Variants in CPSF2 observed in about 807,000 individuals in gnomAD.
CPSF2 encodes cleavage and polyadenylation specificity factor subunit 2.
A neutral mutation model predicts 84.2 loss-of-function variants in CPSF2; 51 were observed. That is an observed-to-expected ratio of 0.61 (90% CI 0.48 to 0.77). The LOEUF (loss-of-function observed/expected upper bound fraction) is 0.77, where lower values mean the gene tolerates loss of function less well. CPSF2 is among the 30% of genes least tolerant of loss of function. The pLI is 0.00. For synonymous variants in CPSF2, 286 were observed against 311.9 expected (o/e 0.92, Z 0.87); for missense variants, 641 against 929.4 (o/e 0.69, Z 4.03).
In CPSF2 at chr14:92,134,287, T is replaced by A; in HGVS notation, c.347T>A (p.Leu116Ter). The A allele has an allele frequency of 6.2e-7, 1 of 1,613,792 alleles. No homozygotes were observed. The highest frequency in any genetic ancestry group is 8.5e-7 in the Non-Finnish European group (1 of 1,179,808). Residue 116 changes from leucine to a stop codon, truncating the protein, a stop_gained, in exon 5 of 16, where the codon TTA becomes TAA. Coordinates refer to ENST00000298875, the MANE Select transcript of CPSF2 (RefSeq NM_017437.3). LOFTEE classifies it high-confidence loss of function. Reference protein sequence around the residue: ...HNTEDFTLFTLDDVDAAFDKI... With the variant: ...HNTEDFTLFT ...ACAGAAGATTTTACACTCTTTACAT[T>A]AGATGATGTGGATGCAGCCTTTGAT...
Position 92,131,100 on chromosome 14 carries a change from A to G in CPSF2, c.116A>G (p.His39Arg), listed in dbSNP as rs750505948. ...RFLLDCGWDE[H>R]FSMDIIDSLR... ...TTATTGGACTGTGGCTGGGATGAGC[A>G]CTTTTCTATGGATATTATTGATTCC... Residue 39 changes from histidine to arginine, a missense_variant, in exon 3 of 16, where the codon CAC (histidine) becomes CGC (arginine). Physicochemically the swap from His to Arg is conservative, Grantham distance 29. Coordinates refer to ENST00000298875, the MANE Select transcript of CPSF2 (RefSeq NM_017437.3). 7.3e-5 allele frequency: 118 copies of G among 1,611,334 alleles called. No individual in the cohort carries two copies. Among genetic ancestry groups the G allele is most frequent in the Non-Finnish European group, 9.8e-5 (116 of 1,179,052 alleles).
At position 92,163,057 on chromosome 14, in the gene CPSF2, C is replaced by A. The variant is rs1419695370; in HGVS notation, c.*1313C>A. On this transcript the variant is annotated 3_prime_UTR_variant, in exon 16 of 16. Coordinates refer to ENST00000298875, the MANE Select transcript of CPSF2 (RefSeq NM_017437.3). ...TAGCTGGGACTACGGGCACATGCCA[C>A]TGCACCTGGCTAATTTTTATATTTT... 6.6e-6 allele frequency: 1 copy of A among 152,200 alleles called. No individual in the cohort carries two copies. The highest frequency in any genetic ancestry group is 1.9e-4 in the East Asian group (1 of 5,198). The allele number at this position is 152,200 out of a possible 1,614,324, so 9.4% of individuals were successfully genotyped here. A position where few individuals can be genotyped will look rare whatever the true frequency, so the allele number is the denominator to read the frequency against.
At chr14:92,131,173 ACTTCT>A in intron 3 of CPSF2, 40 bp downstream of exon 3, 6 of 1,518,490 alleles carry the variant, frequency 4.0e-6, no homozygotes, top group Non-Finnish European at 5.4e-6. Flanking sequence ...TATTAAATCA[ACTTCT>A]CTTTTCTGTA....
chr14:92,137,451 T>C (rs758587887), intron 6 of CPSF2, among the ~76,000 whole-genome samples: 1 of 152,180 alleles, frequency 6.6e-6, no homozygotes, highest in Non-Finnish European at 1.5e-5. Context: ...TCCAGTGATC[T>C]GCCCACCTCT....
At chr14:92,138,099 A>G (rs990669702) in intron 6 of CPSF2, 133 bp from the exon 7 acceptor site, 2 of 439,132 alleles carry the variant, frequency 4.6e-6, no homozygotes, top group Non-Finnish European at 8.2e-6. Context: ...TTTCTTATCA[A>G]TGAGCATGTC....
At position 92,143,295 on chromosome 14, in the gene CPSF2, G is replaced by T; in HGVS notation, c.1140+1G>T. Reference sequence around the variant, plus strand: ...TTCTGAAAAAATTACAGAAATAGAGGTAAGCACTTGTATGTGAACTTTATC... The same window carrying T: ...TTCTGAAAAAATTACAGAAATAGAGTTAAGCACTTGTATGTGAACTTTATC... On this transcript the variant is annotated splice_donor_variant, in intron 9 of 15. Coordinates refer to ENST00000298875, the MANE Select transcript of CPSF2 (RefSeq NM_017437.3). LOFTEE classifies it high-confidence loss of function. The T allele has an allele frequency of 6.3e-7, 1 of 1,577,448 alleles. No homozygotes were observed. The highest frequency in any genetic ancestry group is 8.7e-7 in the Non-Finnish European group (1 of 1,154,054).
intron 13 of CPSF2, 120 bp downstream of exon 13, chr14:92,158,004 A>C (rs1027361401): frequency 2.9e-6 from 2 of 690,842 alleles, no homozygotes; most frequent in Admixed American, 4.4e-5. Context: ...CTGCCCTAGC[A>C]GACCTCATAG....
chr14:92,161,809 G>GA lies in CPSF2; in HGVS notation c.*66dup. 3 of 906,712 alleles carry GA rather than the reference G, an allele frequency of 3.3e-6. No homozygotes were observed. Among genetic ancestry groups the GA allele is most frequent in the South Asian group, 3.4e-5 (2 of 58,710 alleles). 56.2% of individuals were successfully genotyped at this position (906,712 alleles called of 1,614,324 possible). ...GAAAAAGGGATTCTTATCTTACTCT[G>GA]AGCTTTTGATGTTTTGTTTTGTAAC... On this transcript the variant is annotated 3_prime_UTR_variant, in exon 16 of 16. Transcript: ENST00000298875.
rs1433718736 is a variant in CPSF2, at chr14:92,163,454, T to C, written c.*1710T>C. The C allele has an allele frequency of 6.6e-6, 1 of 152,642 alleles. No individual in the cohort carries two copies. Among genetic ancestry groups the C allele is most frequent in the Non-Finnish European group, 1.5e-5 (1 of 68,030 alleles). 9.5% of individuals were successfully genotyped at this position (152,642 alleles called of 1,614,324 possible). ...AAAATTTCACTTAAACTCTTATTAC[T>C]GTATAGATTAAGCCCTATAATGCTA... On this transcript the variant is annotated 3_prime_UTR_variant, in exon 16 of 16. Transcript: ENST00000298875.
intron 3 of CPSF2, among the ~76,000 whole-genome samples, chr14:92,131,503 T>G (rs1045730954): frequency 5.3e-5 from 8 of 152,162 alleles, no homozygotes; most frequent in Middle Eastern, 3.2e-3. Context: ...CATTGTCAGC[T>G]GGTTCTCAGA....
chr14:92,131,217 C>T (rs1027782369), intron 3 of CPSF2, 84 bp downstream of exon 3: 37 of 1,126,372 alleles, frequency 3.3e-5, no homozygotes, highest in Non-Finnish European at 4.2e-5. Flanking sequence ...GTGATAAATA[C>T]TGCCTTTTTA....
chr14:92,128,559 C>T (rs1472492314), intron 2 of CPSF2, among the ~76,000 whole-genome samples: 1 of 152,230 alleles, frequency 6.6e-6, no homozygotes, highest in African/African-American at 2.4e-5. Flanking sequence ...TGGAGTTAAT[C>T]AGGACTGGGG....
In CPSF2 at chr14:92,159,236, A is replaced by C; in HGVS notation, c.2075A>C (p.Glu692Ala). Residue 692 changes from glutamate (E) to alanine (A), a missense_variant, in exon 14 of 16, where the codon GAA (glutamate) becomes GCA (alanine). By Grantham distance (107) the Glu-to-Ala change is moderately radical. Around this residue, in one of 2 missense-constraint regions of CPSF2, gnomAD observed 430 missense variants for 553.6 expected, o/e 0.78. Transcript: ENST00000298875. ...LFGDDEKETG[E>A]ESEIIPTLEP... ...GGAGATGATGAAAAAGAAACAGGTG[A>C]AGAAAGTGAGATCATTCCTACTTTG... 1 of 1,612,512 alleles carries C rather than the reference A, an allele frequency of 6.2e-7. No homozygotes were observed. The highest frequency in any genetic ancestry group is 8.5e-7 in the Non-Finnish European group (1 of 1,179,130).
At chr14:92,122,680 A>G (rs1456369520) in intron 1 of CPSF2, among the ~76,000 whole-genome samples, 3 of 151,588 alleles carry the variant, frequency 2.0e-5, no homozygotes, top group Non-Finnish European at 4.4e-5. Context: ...ATCACTGCGA[A>G]GTTCTAATTC....
In CPSF2 at chr14:92,170,893, T is replaced by C. The variant is rs931668564; in HGVS notation, c.*9149T>C. ...TTCAAGATTTCTCCACTGTTAGTAT[T>C]TTCTCCACTTGTATTTGTTTTTTGG... On this transcript the variant is annotated 3_prime_UTR_variant, in exon 16 of 16. Coordinates refer to ENST00000298875, the MANE Select transcript of CPSF2 (RefSeq NM_017437.3). 6.6e-6 allele frequency: 1 copy of C among 152,222 alleles called. No individual in the cohort carries two copies. The highest frequency in any genetic ancestry group is 1.5e-5 in the Non-Finnish European group (1 of 68,038). The allele number at this position is 152,222 out of a possible 1,614,324, so 9.4% of individuals were successfully genotyped here. A position where few individuals can be genotyped will look rare whatever the true frequency, so the allele number is the denominator to read the frequency against.
chr14:92,167,489 G>A lies in CPSF2; in HGVS notation c.*5745G>A, dbSNP rs2069464109. 1 of 151,696 alleles carries A rather than the reference G, an allele frequency of 6.6e-6. No individual in the cohort carries two copies. The highest frequency in any genetic ancestry group is 1.5e-5 in the Non-Finnish European group (1 of 67,934). The allele number at this position is 151,696 out of a possible 1,614,324, so 9.4% of individuals were successfully genotyped here. A position where few individuals can be genotyped will look rare whatever the true frequency, so the allele number is the denominator to read the frequency against. On this transcript the variant is annotated 3_prime_UTR_variant, in exon 16 of 16. Coordinates refer to ENST00000298875, the MANE Select transcript of CPSF2 (RefSeq NM_017437.3). ...ATGAATGACCCTGTACAAGGAAAGG[G>A]ATTTGCTTGAGATCCACACAGCTGT...
At position 92,169,164 on chromosome 14, in the gene CPSF2, G is replaced by C. The variant is rs1354293511; in HGVS notation, c.*7420G>C. 1 of 152,094 alleles carries C rather than the reference G, an allele frequency of 6.6e-6. No individual in the cohort carries two copies. The highest frequency in any genetic ancestry group is 6.6e-5 in the Admixed American group (1 of 15,260). The allele number at this position is 152,094 out of a possible 1,614,324, so 9.4% of individuals were successfully genotyped here. On this transcript the variant is annotated 3_prime_UTR_variant, in exon 16 of 16. Transcript: ENST00000298875. ...CTCTGTGGGAAACTTTATTCCAAGGGTGCTGCCACTGCCCTTGTTTTAAAT... is the reference window on the plus strand; with the variant it reads ...CTCTGTGGGAAACTTTATTCCAAGGCTGCTGCCACTGCCCTTGTTTTAAAT...
At chr14:92,122,635 G>GCGCCCTCCTGCCAT (rs1555413121) in intron 1 of CPSF2, among the ~76,000 whole-genome samples, 1 of 151,708 alleles carries the variant, frequency 6.6e-6, no homozygotes, top group African/African-American at 2.4e-5. Context: ...TTGGGCCTTC[G>GCGCCCTCCTGCCAT]CGCCCTCCCG....
chr14:92,124,048 A>C lies in CPSF2; in HGVS notation c.-94+1920A>C, dbSNP rs139408864. Among the ~76,000 whole-genome samples, 230 of 152,306 alleles carry C rather than the reference A, an allele frequency of 1.5e-3. 2 individuals are homozygous for C. Among genetic ancestry groups the C allele is most frequent in the African/African-American group, 5.3e-3 (220 of 41,564 alleles). ...TTTGCTGAGCTCAAAAGGAGAAGGT[A>C]ATTTCGGGATTCAGTACAGGAATAC... is the stretch of plus-strand genomic sequence containing the variant. On this transcript the variant is annotated intron_variant, in intron 1 of 15. Transcript: ENST00000298875.
Sources: gnomAD v4.1 joint callset for allele counts (sites outside exome capture counted in the v4.1 genomes callset) on GRCh38, gnomAD v4.1.1 for gene constraint, gnomAD v4.1.1 regional missense constraint, MANE v1.5 for transcripts, NCBI Gene and HGNC (gene_info 2026-07-23, HGNC 2026-07-21) for gene names.